DNAH5: variants seen among roughly 807,000 people sequenced by gnomAD.
The protein encoded by DNAH5 is dynein axonemal heavy chain 5.
DNAH5 carries 372 observed loss-of-function variants against 518.2 expected under a neutral mutation model. That is an observed-to-expected ratio of 0.72 (90% CI 0.66 to 0.78). The LOEUF (loss-of-function observed/expected upper bound fraction) is 0.78, where lower values mean the gene tolerates loss of function less well. DNAH5 is among the 30% of genes least tolerant of loss of function. The probability of loss-of-function intolerance (pLI) is 0.00; values close to 1 mark genes in which losing one functional copy is unlikely to be tolerated. For missense variants in DNAH5, 5,523 were observed against 5,687.0 expected (o/e 0.97, Z 0.93); for synonymous variants, 2,039 against 2,025.9 (o/e 1.01, Z -0.17).
chr5:13,955,744 A>G (rs1458967489), intron 1 of DNAH5, among the ~76,000 whole-genome samples: 4 of 152,220 alleles, frequency 2.6e-5, no homozygotes, highest in Non-Finnish European at 5.9e-5. Context: ...ATAAAATGGA[A>G]AACATTTTAA....
chr5:13,712,366 T>C (rs2126477725), intron 75 of DNAH5, among the ~76,000 whole-genome samples: 1 of 152,144 alleles, frequency 6.6e-6, no homozygotes, highest in South Asian at 2.1e-4. Context: ...CTACAAAAAT[T>C]CTCGACAATA....
intron 71 of DNAH5, among the ~76,000 whole-genome samples, chr5:13,720,086 G>C (rs1461411794): frequency 7.1e-6 from 1 of 141,150 alleles, no homozygotes. Context: ...AGCTGCATGA[G>C]TTGTCTTTCA....
intron 65 of DNAH5, among the ~76,000 whole-genome samples, chr5:13,744,501 C>A (rs1749060799): frequency 6.6e-6 from 1 of 151,924 alleles, no homozygotes; most frequent in Non-Finnish European, 1.5e-5. Context: ...ATGTTCCCAA[C>A]ATACAGAAAT....
At chr5:14,008,528 G>A (rs1784890936) in intron 1 of DNAH5, among the ~76,000 whole-genome samples, 2 of 152,066 alleles carry the variant, frequency 1.3e-5, no homozygotes, top group African/African-American at 4.8e-5. Context: ...GGAAGCTGTG[G>A]TATGAGAATC....
rs774599183 is a variant in DNAH5 at position 13,737,479 on chromosome 5, C to A, written c.11228G>T (p.Arg3743Ile). The A allele has an allele frequency of 2.3e-5, 37 of 1,613,910 alleles. No individual in the cohort carries two copies. The highest frequency in any genetic ancestry group is 8.9e-5 in the East Asian group (4 of 44,864). ...LTEKQELEKE[R>I]THLMEDVTAN... ...AGTTACATCTTCCATCAGATGAGTT[C>A]TTTCTTTCTCCAATTCCTATTAATT... Residue 3743 changes from arginine to isoleucine, a missense_variant, in exon 66 of 79, where the codon AGA (arginine) becomes ATA (isoleucine). Arg to Ile is a moderately conservative substitution (Grantham distance 97). Transcript: ENST00000265104.
chr5:13,987,588 C>CA (rs1043331336), intron 1 of DNAH5, among the ~76,000 whole-genome samples: 1 of 152,206 alleles, frequency 6.6e-6, no homozygotes, highest in African/African-American at 2.4e-5. Flanking sequence ...CACAGTGGCT[C>CA]ACGCCTGTAA....
chr5:13,893,528 C>T (rs1008150681), intron 16 of DNAH5, among the ~76,000 whole-genome samples: 2 of 152,092 alleles, frequency 1.3e-5, no homozygotes, highest in Non-Finnish European at 2.9e-5. Context: ...AATCGTAACA[C>T]CATTTTGTAT....
chr5:13,849,768 C>T (rs1346776264), intron 31 of DNAH5, among the ~76,000 whole-genome samples: 1 of 152,110 alleles, frequency 6.6e-6, no homozygotes. Context: ...CTTACAAGTA[C>T]CCTCTTACAG....
Position 13,786,218 on chromosome 5 carries a change from G to C in DNAH5, c.8781C>G (p.Asp2927Glu). The C allele has an allele frequency of 6.2e-7, 1 of 1,614,060 alleles. No individual in the cohort carries two copies. The highest frequency in any genetic ancestry group is 8.5e-7 in the Non-Finnish European group (1 of 1,180,000). Residue 2927 changes from aspartate (D) to glutamate (E), a missense_variant, in exon 52 of 79, where the codon GAC becomes GAG. Physicochemically the swap from Asp to Glu is conservative, Grantham distance 45 (BLOSUM62 2). Around this residue, in one of 3 missense-constraint regions of DNAH5, gnomAD observed 5,121 missense variants for 5,223.3 expected, o/e 0.98. Coordinates refer to ENST00000265104, the MANE Select transcript of DNAH5 (RefSeq NM_001369.3). ...CCATGGCATCTGCAAAGAACACCATGTCCATGCCGGCGCCACGGATGCTCT... is the reference window on the plus strand; with the variant it reads ...CCATGGCATCTGCAAAGAACACCATCTCCATGCCGGCGCCACGGATGCTCT... The part of the protein sequence containing the change: ...YNESIRGAGM[D>E]MVFFADAMVH...
At chr5:13,954,695 C>T (rs926754968) in intron 1 of DNAH5, among the ~76,000 whole-genome samples, 4 of 152,318 alleles carry the variant, frequency 2.6e-5, no homozygotes, top group Non-Finnish European at 5.9e-5. Flanking sequence ...GGTTAACACT[C>T]GAATCTGTTC....
chr5:13,960,170 T>C (rs1477157202), intron 1 of DNAH5, among the ~76,000 whole-genome samples: 1 of 152,062 alleles, frequency 6.6e-6, no homozygotes, highest in Non-Finnish European at 1.5e-5. Context: ...AAAAGTTCTT[T>C]CAATCCCAGG....
chr5:13,935,728 A>G (rs1307629361), intron 1 of DNAH5, among the ~76,000 whole-genome samples: 5 of 152,222 alleles, frequency 3.3e-5, no homozygotes, highest in Admixed American at 2.6e-4. Flanking sequence ...CCGCAGACCT[A>G]ACCCTGCAGC....
intron 70 of DNAH5, among the ~76,000 whole-genome samples, chr5:13,722,699 C>T (rs982082513): frequency 3.9e-5 from 6 of 152,220 alleles, no homozygotes; most frequent in Non-Finnish European, 5.9e-5. Flanking sequence ...AAAAGAGGAG[C>T]ATTTACATTC....
intron 75 of DNAH5, among the ~76,000 whole-genome samples, chr5:13,709,012 T>C (rs1743161520): frequency 6.6e-6 from 1 of 152,224 alleles, no homozygotes; most frequent in Non-Finnish European, 1.5e-5. Flanking sequence ...TCAACCCCTG[T>C]TAGACACGAA....
chr5:13,928,359 T>C (rs1461975371), intron 2 of DNAH5, among the ~76,000 whole-genome samples, 181 bp from the exon 3 acceptor site: 2 of 152,240 alleles, frequency 1.3e-5, no homozygotes, highest in African/African-American at 4.8e-5. Context: ...TGTCTCACCA[T>C]AGTAAAGACT....
chr5:13,737,357 C>T lies in DNAH5; in HGVS notation c.11350G>A (p.Val3784Met), dbSNP rs375636304. 1.2e-5 allele frequency: 20 copies of T among 1,613,968 alleles called. No individual in the cohort carries two copies. The highest frequency in any genetic ancestry group is 6.6e-5 in the South Asian group (6 of 91,086). Reference sequence around the variant, plus strand: ...GCTGTCCTTTTTGTGTTACTCAGCACGACAATGAGACTTTCATCTTCTACC... The same window carrying T: ...GCTGTCCTTTTTGTGTTACTCAGCATGACAATGAGACTTTCATCTTCTACC... ...SLVEDESLIV[V>M]LSNTKRTAEE... Residue 3784 changes from valine (V) to methionine (M), a missense_variant, in exon 66 of 79, where the codon GTG becomes ATG. By Grantham distance (21) the Val-to-Met change is conservative (BLOSUM62 1). Transcript: ENST00000265104.
At chr5:13,976,386 C>A (rs151121145) in intron 1 of DNAH5, among the ~76,000 whole-genome samples, 1 of 152,136 alleles carries the variant, frequency 6.6e-6, no homozygotes, top group Non-Finnish European at 1.5e-5. Flanking sequence ...CACTCACACT[C>A]GTGCTGTGTC....
chr5:13,836,956 A>C (rs1764475668), intron 35 of DNAH5, among the ~76,000 whole-genome samples: 1 of 152,218 alleles, frequency 6.6e-6, no homozygotes, highest in Non-Finnish European at 1.5e-5. Context: ...AGTCAGGATC[A>C]AGGAACGTGG....
intron 15 of DNAH5, chr5:13,899,993 C>CA (rs1160681333): frequency 1.4e-4 from 79 of 572,916 alleles, no homozygotes; most frequent in African/African-American, 1.3e-3. Context: ...CTGGTACACT[C>CA]AAAATAAAAC....
Sources: gnomAD v4.1 joint callset for allele counts (sites outside exome capture counted in the v4.1 genomes callset) on GRCh38, gnomAD v4.1.1 for gene constraint, gnomAD v4.1.1 regional missense constraint, MANE v1.5 for transcripts, NCBI Gene and HGNC (gene_info 2026-07-23, HGNC 2026-07-21) for gene names.